ARL15: variants seen among roughly 807,000 people sequenced by gnomAD.
ARL15 encodes the protein ARF like GTPase 15, also known as ADP-ribosylation factor-like protein 15.
ARL15 carries 19 observed loss-of-function variants against 25.2 expected under a neutral mutation model. That is an observed-to-expected ratio of 0.75 (90% CI 0.53 to 1.10). ARL15 has a LOEUF of 1.10. ARL15 is among the 50% of genes least tolerant of loss of function. The pLI, the probability that ARL15 is intolerant of heterozygous loss-of-function variation, is 0.00. For missense variants in ARL15, 220 were observed against 246.0 expected (o/e 0.89, Z 0.71); for synonymous variants, 94 against 86.8 (o/e 1.08, Z -0.46).
intron 4 of ARL15, among the ~76,000 whole-genome samples, chr5:53,946,056 C>T (rs1349831191): frequency 6.6e-6 from 1 of 152,182 alleles, no homozygotes; most frequent in East Asian, 1.9e-4. Context: ...ATTTCAGTTT[C>T]CTCATGTATG....
chr5:54,193,013 GC>G (rs950721517), intron 1 of ARL15, among the ~76,000 whole-genome samples: 7 of 152,230 alleles, frequency 4.6e-5, no homozygotes, highest in Admixed American at 3.9e-4. Context: ...CATTCCCATG[GC>G]TTCTACTATT....
intron 3 of ARL15, among the ~76,000 whole-genome samples, chr5:54,124,183 T>C (rs78819000): frequency 0.015 from 2,291 of 152,290 alleles, 50 homozygotes; most frequent in African/African-American, 0.051. Flanking sequence ...GGTTCCACAG[T>C]GCTGAATTTT....
chr5:54,197,473 T>A (rs972478993), intron 1 of ARL15, among the ~76,000 whole-genome samples: 1 of 152,162 alleles, frequency 6.6e-6, no homozygotes, highest in African/African-American at 2.4e-5. Flanking sequence ...TTACAAGCAC[T>A]CTGTTCAGCA....
intron 3 of ARL15, among the ~76,000 whole-genome samples, chr5:54,117,533 T>A (rs1337980922): frequency 6.6e-6 from 1 of 152,212 alleles, no homozygotes; most frequent in African/African-American, 2.4e-5. Context: ...AAGAATTCCC[T>A]TAATACGGCA....
intron 1 of ARL15, among the ~76,000 whole-genome samples, chr5:54,298,961 T>A (rs1758542317): frequency 1.3e-5 from 2 of 151,942 alleles, no homozygotes; most frequent in Non-Finnish European, 2.9e-5. Flanking sequence ...TGGAGTGCAG[T>A]GGCACAATCA....
chr5:54,015,300 A>AAAAAC (rs1749390996), intron 4 of ARL15, among the ~76,000 whole-genome samples: 1 of 151,598 alleles, frequency 6.6e-6, no homozygotes, highest in South Asian at 2.1e-4. Context: ...CTCAAAAAAA[A>AAAAAC]AAAAACAAAA....
At chr5:53,926,092 T>G (rs1175446081) in intron 4 of ARL15, among the ~76,000 whole-genome samples, 1 of 151,686 alleles carries the variant, frequency 6.6e-6, no homozygotes, top group Admixed American at 6.6e-5. Context: ...CCAAGTATCT[T>G]ATTGTATCAG....
intron 4 of ARL15, among the ~76,000 whole-genome samples, chr5:53,911,836 A>G (rs1159603360): frequency 6.6e-6 from 1 of 152,136 alleles, no homozygotes; most frequent in Non-Finnish European, 1.5e-5. Flanking sequence ...TCTCCAAAAT[A>G]ATCTTTCAGG....
At chr5:53,929,601 C>T (rs542237771) in intron 4 of ARL15, among the ~76,000 whole-genome samples, 1 of 152,330 alleles carries the variant, frequency 6.6e-6, no homozygotes, top group South Asian at 2.1e-4. Flanking sequence ...CCTTCTATTA[C>T]AATTAGTTCC....
chr5:54,227,682 A>G (rs1756565064), intron 1 of ARL15, among the ~76,000 whole-genome samples: 1 of 152,236 alleles, frequency 6.6e-6, no homozygotes, highest in Admixed American at 6.5e-5. Flanking sequence ...AAGCAAGATA[A>G]GCAGCATCAG....
chr5:53,943,204 G>T (rs538518113), intron 4 of ARL15, among the ~76,000 whole-genome samples: 16 of 152,252 alleles, frequency 1.1e-4, no homozygotes, highest in Non-Finnish European at 2.2e-4. Context: ...TATCCTGATT[G>T]TAATAATTCA....
intron 1 of ARL15, among the ~76,000 whole-genome samples, chr5:54,228,312 T>C (rs1387101670): frequency 6.6e-6 from 1 of 152,174 alleles, no homozygotes; most frequent in Non-Finnish European, 1.5e-5. Context: ...TTCCCTGAGA[T>C]ACATACTGCT....
chr5:54,253,002 G>C (rs769078828), intron 1 of ARL15, among the ~76,000 whole-genome samples: 3 of 151,992 alleles, frequency 2.0e-5, no homozygotes, highest in African/African-American at 7.3e-5. Flanking sequence ...TGTGATTACA[G>C]GCATAAGCCA....
At chr5:54,233,919 T>G (rs906910515) in intron 1 of ARL15, among the ~76,000 whole-genome samples, 1 of 152,192 alleles carries the variant, frequency 6.6e-6, no homozygotes, top group Non-Finnish European at 1.5e-5. Context: ...GGTAAAACAA[T>G]GCCATTTTCT....
chr5:54,307,248 G>C (rs1758780344), intron 1 of ARL15, among the ~76,000 whole-genome samples: 1 of 152,182 alleles, frequency 6.6e-6, no homozygotes, highest in Admixed American at 6.5e-5. Context: ...TTCAAGTTAA[G>C]AGTAAAGGAT....
At chr5:54,233,175 G>A (rs1756718388) in intron 1 of ARL15, among the ~76,000 whole-genome samples, 1 of 152,138 alleles carries the variant, frequency 6.6e-6, no homozygotes, top group Non-Finnish European at 1.5e-5. Flanking sequence ...ACTATTCTGT[G>A]TGATGAAATA....
chr5:54,122,718 T>C (rs1031778160), intron 3 of ARL15, among the ~76,000 whole-genome samples: 1 of 152,220 alleles, frequency 6.6e-6, no homozygotes, highest in Non-Finnish European at 1.5e-5. Flanking sequence ...AAAATATAAT[T>C]GAATTGTGAA....
At chr5:53,925,739 T>C (rs1416388191) in intron 4 of ARL15, among the ~76,000 whole-genome samples, 1 of 152,046 alleles carries the variant, frequency 6.6e-6, no homozygotes, top group Non-Finnish European at 1.5e-5. Flanking sequence ...GCCTAGGAAT[T>C]CGAGGTTGCA....
chr5:54,148,173 C>T (rs1309351785), intron 3 of ARL15, among the ~76,000 whole-genome samples: 1 of 152,100 alleles, frequency 6.6e-6, no homozygotes, highest in Admixed American at 6.6e-5. Context: ...GGCAGCAGTG[C>T]CCCCTGGGTT....
Sources: allele counts gnomAD v4.1 joint callset (sites outside exome capture counted in the v4.1 genomes callset), GRCh38; gene constraint gnomAD v4.1.1; transcripts MANE v1.5; gene names NCBI Gene and HGNC (gene_info 2026-07-23, HGNC 2026-07-21).